Variants in BLTP2 observed in about 807,000 individuals in gnomAD.
The protein encoded by BLTP2 is U937-associated antigen.
chr17:28,638,068 C>A, the BLTP2 span: 12 of 1,614,196 alleles, frequency 7.4e-6, no homozygotes, highest in Admixed American at 2.0e-4. Context: ...GGGTGCTGGA[C>A]AGGCCCAGAG....
the BLTP2 span, chr17:28,632,287 G>A: frequency 5.3e-6 from 8 of 1,516,052 alleles, no homozygotes; most frequent in Admixed American, 1.9e-5. Context: ...GAAACACAGA[G>A]GTAAAGCTAA....
At chr17:28,622,429 A>T in the BLTP2 span, among the ~76,000 whole-genome samples, 1 of 149,826 alleles carries the variant, frequency 6.7e-6, no homozygotes, top group Middle Eastern at 3.2e-3. Flanking sequence ...GGGAGGTGAA[A>T]AGAGGGATCA....
At chr17:28,617,931 C>CT in the BLTP2 span, among the ~76,000 whole-genome samples, 2,561 of 128,672 alleles carry the variant, frequency 0.02, 52 homozygotes, top group South Asian at 0.05. Context: ...ACCCAATTTT[C>CT]TTTTTTTTTT....
the BLTP2 span, chr17:28,645,027 G>A: frequency 1.2e-6 from 2 of 1,601,484 alleles, no homozygotes; most frequent in South Asian, 2.2e-5. Flanking sequence ...CTAGCAGCAA[G>A]ACCAACAGCG....
the BLTP2 span, among the ~76,000 whole-genome samples, chr17:28,624,960 G>A: frequency 6.6e-6 from 1 of 152,160 alleles, no homozygotes; most frequent in South Asian, 2.1e-4. Context: ...TAGTCTGCCT[G>A]TATTGTGACC....
At chr17:28,620,960 TC>T in the BLTP2 span, 1 of 1,601,994 alleles carries the variant, frequency 6.2e-7, no homozygotes, top group African/African-American at 1.3e-5. Flanking sequence ...TCTAGTCCCT[TC>T]CTAAAAGCCT....
the BLTP2 span, chr17:28,633,740 GGA>G: frequency 6.2e-7 from 1 of 1,613,446 alleles, no homozygotes; most frequent in Non-Finnish European, 8.5e-7. Flanking sequence ...ACTGTGTACT[GGA>G]ATATTTCCGC....
chr17:28,632,502 G>A, the BLTP2 span, among the ~76,000 whole-genome samples: 2 of 152,116 alleles, frequency 1.3e-5, no homozygotes, highest in Non-Finnish European at 2.9e-5. Context: ...GTGGGCCTCT[G>A]GGAGGTCACT....
the BLTP2 span, chr17:28,621,178 G>A: frequency 1.2e-6 from 2 of 1,612,890 alleles, no homozygotes; most frequent in African/African-American, 2.7e-5. Context: ...AATCTGGGAA[G>A]AGGTGGGAAA....
chr17:28,632,739 T>C, the BLTP2 span, among the ~76,000 whole-genome samples: 1 of 151,998 alleles, frequency 6.6e-6, no homozygotes, highest in African/African-American at 2.4e-5. Context: ...ACCAAACTTG[T>C]GGTATTACTG....
At chr17:28,617,094 G>T in the BLTP2 span, 2 of 1,159,082 alleles carry the variant, frequency 1.7e-6, no homozygotes, top group Non-Finnish European at 2.5e-6. Context: ...AGAAGCAATG[G>T]TACTGCTAAG....
the BLTP2 span, among the ~76,000 whole-genome samples, chr17:28,632,601 G>A: frequency 1.3e-5 from 2 of 152,138 alleles, no homozygotes; most frequent in Non-Finnish European, 2.9e-5. Flanking sequence ...CACCATATTA[G>A]GACACAGCAA....
At chr17:28,639,329 C>G in the BLTP2 span, 1 of 1,613,364 alleles carries the variant, frequency 6.2e-7, no homozygotes, top group Non-Finnish European at 8.5e-7. Context: ...TTTTCCTTTG[C>G]TTTAGAACAG....
chr17:28,614,655 G>A, the BLTP2 span: 1 of 152,082 alleles, frequency 6.6e-6, no homozygotes, highest in East Asian at 1.9e-4. Context: ...GAGGATCAGA[G>A]GATCAGCCCC....
the BLTP2 span, chr17:28,615,312 G>T: frequency 2.2e-6 from 3 of 1,356,410 alleles, no homozygotes; most frequent in South Asian, 2.7e-5. Flanking sequence ...AAATCAAAAT[G>T]AACCAAGACA....
chr17:28,630,759 C>T, the BLTP2 span, among the ~76,000 whole-genome samples: 1 of 152,120 alleles, frequency 6.6e-6, no homozygotes, highest in Non-Finnish European at 1.5e-5. Flanking sequence ...GCTGGGATTA[C>T]AGGCATGAGC....
At chr17:28,640,155 G>T in the BLTP2 span, 6 of 979,246 alleles carry the variant, frequency 6.1e-6, no homozygotes, top group Non-Finnish European at 8.8e-6. Context: ...AGCCCTTTGG[G>T]AGGCCGAGGC....
the BLTP2 span, chr17:28,642,262 A>T: frequency 1.9e-6 from 3 of 1,613,832 alleles, no homozygotes; most frequent in Non-Finnish European, 2.5e-6. Flanking sequence ...CTGAATGATC[A>T]TGGCATACTT....
the BLTP2 span, chr17:28,621,001 T>C: frequency 6.2e-7 from 1 of 1,614,232 alleles, no homozygotes; most frequent in South Asian, 1.1e-5. Context: ...CCTGCTTCTT[T>C]AGGAGATCTT....
Sources: gnomAD v4.1 joint callset for allele counts (sites outside exome capture counted in the v4.1 genomes callset) on GRCh38, gnomAD v4.1.1 for gene constraint, MANE v1.5 for transcripts, NCBI Gene and HGNC (gene_info 2026-07-23, HGNC 2026-07-21) for gene names.